The following CELF2 variants were observed in gnomAD, a reference collection of about 807,000 sequenced individuals.
The protein encoded by CELF2 is CUGBP Elav-like family member 2, also known as CUG triplet repeat RNA-binding protein 2.
Under a neutral mutation model 62.6 loss-of-function variants are expected in CELF2, and 8 were observed. That is an observed-to-expected ratio of 0.13 (90% CI 0.07 to 0.23). The LOEUF is 0.23. CELF2 is among the 10% of genes least tolerant of loss of function. The pLI, the probability that CELF2 is intolerant of heterozygous loss-of-function variation, is 1.00. For missense variants in CELF2, 333 were observed against 671.0 expected (o/e 0.50, Z 5.56); for synonymous variants, 258 against 250.0 (o/e 1.03, Z -0.30).
upstream of CELF2, among the ~76,000 whole-genome samples, chr10:10,797,253 A>T (rs2054195806): frequency 2.6e-5 from 4 of 152,156 alleles, no homozygotes; most frequent in Admixed American, 2.0e-4. Context: ...TGATGCTTTC[A>T]AGTAACAAGG....
At chr10:10,974,205 T>C (rs543081357) in intron 2 of CELF2, among the ~76,000 whole-genome samples, 3 of 152,238 alleles carry the variant, frequency 2.0e-5, no homozygotes, top group African/African-American at 4.8e-5. Flanking sequence ...ACAGTAGTTA[T>C]TCAATAAATG....
intron 1 of CELF2, among the ~76,000 whole-genome samples, chr10:10,858,793 A>G (rs888968490): frequency 2.6e-5 from 4 of 152,202 alleles, no homozygotes; most frequent in Non-Finnish European, 4.4e-5. Flanking sequence ...GAACATTTTC[A>G]ATAAAACATT....
chr10:11,043,855 C>T (rs944663036), intron 1 of CELF2, among the ~76,000 whole-genome samples: 7 of 152,182 alleles, frequency 4.6e-5, no homozygotes, highest in African/African-American at 1.2e-4. Context: ...TCCTCGCATA[C>T]CTAGAAAGCA....
At chr10:10,522,031 A>C in the CELF2 span, among the ~76,000 whole-genome samples, 2 of 152,178 alleles carry the variant, frequency 1.3e-5, no homozygotes, top group Non-Finnish European at 2.9e-5. Flanking sequence ...AAGACGTGGC[A>C]TCTCCTGGTG....
chr10:11,125,045 G>A (rs1373793776), intron 1 of CELF2, among the ~76,000 whole-genome samples: 3 of 152,168 alleles, frequency 2.0e-5, no homozygotes, highest in Non-Finnish European at 4.4e-5. Context: ...CAGTCTACGT[G>A]ACTTCCTTTC....
At chr10:10,731,879 A>T in the CELF2 span, among the ~76,000 whole-genome samples, 1 of 152,148 alleles carries the variant, frequency 6.6e-6, no homozygotes, top group Non-Finnish European at 1.5e-5. Flanking sequence ...CAAAGTGAGG[A>T]GGCCATATTG....
the CELF2 span, among the ~76,000 whole-genome samples, chr10:10,509,191 T>C: frequency 6.6e-5 from 10 of 152,300 alleles, no homozygotes; most frequent in South Asian, 6.2e-4. Context: ...GATCATAATG[T>C]GGATGTAAAG....
chr10:10,588,819 C>T, the CELF2 span, among the ~76,000 whole-genome samples: 1 of 152,212 alleles, frequency 6.6e-6, no homozygotes, highest in Non-Finnish European at 1.5e-5. Flanking sequence ...CGGAAACAGA[C>T]TCCTCTATCC....
At chr10:11,033,182 G>A (rs987025801) in intron 1 of CELF2, among the ~76,000 whole-genome samples, 1 of 151,930 alleles carries the variant, frequency 6.6e-6, no homozygotes, top group South Asian at 2.1e-4. Flanking sequence ...CAGTGGTGAG[G>A]TGTGAGGGCA....
intron 1 of CELF2, among the ~76,000 whole-genome samples, chr10:11,125,959 C>T (rs2058619076): frequency 6.6e-6 from 1 of 152,194 alleles, no homozygotes; most frequent in Non-Finnish European, 1.5e-5. Flanking sequence ...TTCCTGTCAA[C>T]ACACGCTTAT....
the CELF2 span, among the ~76,000 whole-genome samples, chr10:10,727,543 G>A: frequency 1.3e-5 from 2 of 152,094 alleles, no homozygotes; most frequent in Non-Finnish European, 2.9e-5. Context: ...TTGGGAGGCC[G>A]AGGCGGGTGG....
chr10:11,226,063 T>C (rs1466814044), intron 3 of CELF2, among the ~76,000 whole-genome samples: 1 of 152,074 alleles, frequency 6.6e-6, no homozygotes. Context: ...GCTCACTGCA[T>C]TGTAGGGTGG....
At chr10:10,640,615 T>C in the CELF2 span, among the ~76,000 whole-genome samples, 1 of 152,320 alleles carries the variant, frequency 6.6e-6, no homozygotes, top group East Asian at 1.9e-4. Context: ...ACAGAAATCA[T>C]TTCTTGTATC....
intron 2 of CELF2, chr10:11,168,862 A>C (rs1386907355): frequency 6.6e-6 from 1 of 152,184 alleles, no homozygotes; most frequent in Non-Finnish European, 1.5e-5. Context: ...GCATGTATTG[A>C]CCAAGCAGGC....
Position 11,257,680 on chromosome 10 carries a change from T to G in CELF2, c.404-58T>G, listed in dbSNP as rs1005871067. On this transcript the variant is annotated intron_variant, in intron 4 of 12. Coordinates refer to ENST00000633077, the MANE Select transcript of CELF2 (RefSeq NM_001326342.2). ...CTGGTTTGATGGGGTAATGAAGCAT[T>G]GATTACAAGAAAAAAAGATGAAATG... The G allele has an allele frequency of 6.9e-6, 11 of 1,591,032 alleles. No individual in the cohort carries two copies. In the East Asian group the frequency reaches 1.8e-4, roughly 26 times the overall value.
At chr10:10,564,260 C>T in the CELF2 span, among the ~76,000 whole-genome samples, 1,739 of 152,210 alleles carry the variant, frequency 0.011, 61 homozygotes, top group East Asian at 0.097. Flanking sequence ...TGGCAATTAC[C>T]GCAACACATG....
the CELF2 span, among the ~76,000 whole-genome samples, chr10:10,632,873 T>C: frequency 1.3e-5 from 2 of 152,216 alleles, no homozygotes; most frequent in African/African-American, 2.4e-5. Context: ...GCTACGATTA[T>C]GTATATCAAT....
upstream of CELF2, among the ~76,000 whole-genome samples, chr10:11,004,687 T>A (rs1156319676): frequency 6.6e-6 from 1 of 152,146 alleles, no homozygotes; most frequent in Non-Finnish European, 1.5e-5. The surrounding 1 kb of genome is among the most constrained non-coding windows in gnomAD (Gnocchi z 5.0). Flanking sequence ...TCCAGGTGAA[T>A]GACGCTCTGA....
chr10:11,063,407 G>A (rs543888668), intron 1 of CELF2, among the ~76,000 whole-genome samples: 2 of 152,192 alleles, frequency 1.3e-5, no homozygotes, highest in East Asian at 3.9e-4. Context: ...TCTCCACATG[G>A]GAACATATAC....
Sources: gnomAD v4.1 joint callset for allele counts (sites outside exome capture counted in the v4.1 genomes callset) on GRCh38, gnomAD v4.1.1 for gene constraint, Gnocchi (gnomAD v3.1) non-coding constraint, MANE v1.5 for transcripts, NCBI Gene and HGNC (gene_info 2026-07-23, HGNC 2026-07-21) for gene names.